The following ANO5 variants were observed in gnomAD, a reference collection of about 807,000 sequenced individuals.
The protein encoded by ANO5 is anoctamin 5.
ANO5 carries 109 observed loss-of-function variants against 121.0 expected under a neutral mutation model. The ratio of observed to expected loss-of-function variants is 0.90; its 90% CI spans 0.77 to 1.06. The LOEUF (loss-of-function observed/expected upper bound fraction) is 1.06, where lower values mean the gene tolerates loss of function less well. Among genes scored for constraint, ANO5 ranks in the 50% least tolerant of loss-of-function variants. The probability of loss-of-function intolerance (pLI) is 0.00; values close to 1 mark genes in which losing one functional copy is unlikely to be tolerated. For missense variants in ANO5, 1,064 were observed against 1,078.5 expected (o/e 0.99, Z 0.19); for synonymous variants, 406 against 359.9 (o/e 1.13, Z -1.45).
intron 3 of ANO5, among the ~76,000 whole-genome samples, chr11:22,215,098 GT>G (rs1852396991): frequency 6.6e-6 from 1 of 151,886 alleles, no homozygotes. Context: ...GGACAGAATA[GT>G]TTGGTAAGTA....
At position 22,280,407 on chromosome 11, in the gene ANO5, C is replaced by T. The variant is rs918137677; in HGVS notation, c.*642C>T. ...TTCTCGAGACTGAAATTTTGGGTTTCAACATAAAACAACTTGGTTCTTAGA... is the reference window on the plus strand; with the variant it reads ...TTCTCGAGACTGAAATTTTGGGTTTTAACATAAAACAACTTGGTTCTTAGA... On this transcript the variant is annotated 3_prime_UTR_variant, in exon 22 of 22. Transcript: ENST00000324559. 6.6e-6 allele frequency: 1 copy of T among 151,730 alleles called. No individual in the cohort carries two copies. The highest frequency in any genetic ancestry group is 2.4e-5 in the African/African-American group (1 of 41,358). The allele number at this position is 151,730 out of a possible 1,614,324, so 9.4% of individuals were successfully genotyped here.
chr11:22,192,860 G>T (rs922035802), upstream of ANO5: 1 of 540,168 alleles, frequency 1.9e-6, no homozygotes, highest in East Asian at 1.5e-4. Flanking sequence ...GGAGGGACGG[G>T]AGGCTGCATG....
chr11:22,240,078 G>A (rs1853376677), intron 9 of ANO5, among the ~76,000 whole-genome samples: 2 of 151,868 alleles, frequency 1.3e-5, no homozygotes, highest in African/African-American at 2.4e-5. Context: ...CTACTTTTTA[G>A]CATAGGGGCT....
At chr11:22,249,101 A>G (rs1016814155) in intron 9 of ANO5, among the ~76,000 whole-genome samples, 1 of 152,002 alleles carries the variant, frequency 6.6e-6, no homozygotes, top group Non-Finnish European at 1.5e-5. Flanking sequence ...TGATCTGGAA[A>G]ACCAAATTAG....
intron 8 of ANO5, among the ~76,000 whole-genome samples, chr11:22,237,680 T>C (rs1276637484): frequency 6.6e-6 from 1 of 152,186 alleles, no homozygotes; most frequent in African/African-American, 2.4e-5. Flanking sequence ...TCAACACTGA[T>C]TAGTTTTTCT....
chr11:22,203,977 T>G, intron 2 of ANO5, 127 bp downstream of exon 2: 1 of 591,066 alleles, frequency 1.7e-6, no homozygotes. Context: ...TATTCATTTT[T>G]TAAGTAGCTA....
chr11:22,227,646 C>G, intron 7 of ANO5, 60 bp downstream of exon 7: 4 of 1,578,814 alleles, frequency 2.5e-6, no homozygotes, highest in Non-Finnish European at 3.5e-6. Context: ...CTTGTGTGTG[C>G]TTTTATACAT....
intron 9 of ANO5, among the ~76,000 whole-genome samples, chr11:22,242,554 C>T (rs562791578): frequency 6.6e-6 from 1 of 152,176 alleles, no homozygotes; most frequent in Admixed American, 6.6e-5. Flanking sequence ...TTATTTGTGT[C>T]ATCTCTGATT....
intron 17 of ANO5, among the ~76,000 whole-genome samples, chr11:22,265,899 A>G (rs952567388): frequency 7.2e-5 from 11 of 152,192 alleles, no homozygotes; most frequent in Non-Finnish European, 1.2e-4. Flanking sequence ...TATATAAACT[A>G]ATGGAATGGA....
chr11:22,275,610 A>G (rs926146652), intron 20 of ANO5, among the ~76,000 whole-genome samples: 7 of 151,896 alleles, frequency 4.6e-5, no homozygotes, highest in African/African-American at 1.7e-4. Flanking sequence ...AAACTTCAGA[A>G]TTGTGTTAAG....
chr11:22,279,629 A>G lies in ANO5; in HGVS notation c.2606A>G (p.Lys869Arg), dbSNP rs763512073. 6.2e-7 allele frequency: 1 copy of G among 1,613,026 alleles called. No homozygotes were observed. The highest frequency in any genetic ancestry group is 1.1e-5 in the South Asian group (1 of 91,068). Residue 869 changes from lysine (K) to arginine (R), a missense_variant, in exon 22 of 22, where the codon AAG (lysine) becomes AGG (arginine). Coordinates refer to ENST00000324559, the MANE Select transcript of ANO5 (RefSeq NM_213599.3). ...GTTGTGGAGAGAATCAAGAGAGAAA[A>G]GTTAATGACTATCAAGATTCTCCAT... ...KDVVERIKRE[K>R]LMTIKILHDF... is the part of the protein sequence containing the mutation.
Position 22,274,809 on chromosome 11 carries a change from A to G in ANO5, c.2414+62A>G. ...ATCCCTTAAGCGTATTTCTTAAGTTATCTATTACCTTTCTGTCTTACAATA... is the reference window on the plus strand; with the variant it reads ...ATCCCTTAAGCGTATTTCTTAAGTTGTCTATTACCTTTCTGTCTTACAATA... On this transcript the variant is annotated intron_variant, in intron 20 of 21. Transcript: ENST00000324559. 3.8e-6 allele frequency: 6 copies of G among 1,559,956 alleles called. No homozygotes were observed. The South Asian group carries it at 6.8e-5, about 18-fold the overall frequency.
At chr11:22,273,410 A>G (rs1014112732) in intron 19 of ANO5, among the ~76,000 whole-genome samples, 69 of 152,292 alleles carry the variant, frequency 4.5e-4, no homozygotes, top group African/African-American at 1.6e-3. Context: ...TTTCACCTAC[A>G]ATATACTTTA....
intron 19 of ANO5, 108 bp downstream of exon 19, chr11:22,273,097 T>C: frequency 8.2e-7 from 1 of 1,221,176 alleles, no homozygotes. Flanking sequence ...TGATACTTTA[T>C]AAAGCTAAAA....
intron 1 of ANO5, among the ~76,000 whole-genome samples, 168 bp downstream of exon 1, chr11:22,193,700 C>T (rs879459804): frequency 6.6e-6 from 1 of 152,144 alleles, no homozygotes. Flanking sequence ...GGCAGAGTCC[C>T]CCGCCTGGGG....
intron 14 of ANO5, 89 bp downstream of exon 14, chr11:22,257,843 TCTTTC>T (rs1448005011): frequency 9.0e-7 from 1 of 1,114,346 alleles, no homozygotes; most frequent in Admixed American, 1.9e-5. Flanking sequence ...GTCTCTTGAG[TCTTTC>T]CTTTCCCTCT....
At chr11:22,231,267 T>C (rs1168222745) in intron 7 of ANO5, among the ~76,000 whole-genome samples, 1 of 152,040 alleles carries the variant, frequency 6.6e-6, no homozygotes, top group Non-Finnish European at 1.5e-5. Flanking sequence ...AAGATGTACA[T>C]TATTTCATCA....
At chr11:22,269,580 A>G (rs1564948866) in intron 17 of ANO5, among the ~76,000 whole-genome samples, 1 of 147,274 alleles carries the variant, frequency 6.8e-6, no homozygotes, top group Non-Finnish European at 1.5e-5. Context: ...AGAAAAAAAG[A>G]AAGAAAGAGA....
intron 17 of ANO5, among the ~76,000 whole-genome samples, chr11:22,265,359 T>C (rs188259599): frequency 3.3e-5 from 5 of 152,268 alleles, no homozygotes; most frequent in African/African-American, 9.6e-5. Flanking sequence ...CCAGGTTAAC[T>C]ATTATTTAAA....
Sources: gnomAD v4.1 joint callset for allele counts (sites outside exome capture counted in the v4.1 genomes callset) on GRCh38, gnomAD v4.1.1 for gene constraint, MANE v1.5 for transcripts, NCBI Gene and HGNC (gene_info 2026-07-23, HGNC 2026-07-21) for gene names.